Variants in GRID2 observed in about 807,000 individuals in gnomAD.
The protein encoded by GRID2 is glutamate ionotropic receptor delta type subunit 2, also known as glutamate receptor ionotropic, delta-2.
GRID2 carries 33 observed loss-of-function variants against 114.8 expected under a neutral mutation model. The observed-to-expected ratio is 0.29, with a 90% confidence interval of 0.22 to 0.38. The LOEUF (loss-of-function observed/expected upper bound fraction) is 0.38. Ranked by LOEUF, GRID2 falls within the 10% of genes least tolerant of loss-of-function variation. The pLI is 1.00. For synonymous variants in GRID2, 505 were observed against 449.9 expected (o/e 1.12, Z -1.55); for missense variants, 1,184 against 1,257.7 (o/e 0.94, Z 0.89).
chr4:92,324,408 A>T (rs1445025915), intron 1 of GRID2, among the ~76,000 whole-genome samples: 2 of 152,036 alleles, frequency 1.3e-5, no homozygotes, highest in Non-Finnish European at 2.9e-5. Context: ...CACTATGTAT[A>T]CATGTATTTG....
At chr4:93,605,727 A>G (rs991821315) in intron 13 of GRID2, among the ~76,000 whole-genome samples, 12 of 152,212 alleles carry the variant, frequency 7.9e-5, no homozygotes, top group Non-Finnish European at 1.8e-4. Context: ...TGATGATACT[A>G]GCATGAAAAG....
At chr4:92,996,886 C>T (rs903588047) in intron 2 of GRID2, among the ~76,000 whole-genome samples, 4 of 152,116 alleles carry the variant, frequency 2.6e-5, no homozygotes, top group Admixed American at 6.6e-5. Flanking sequence ...CTCTCACACT[C>T]TTACCAGATA....
intron 1 of GRID2, among the ~76,000 whole-genome samples, chr4:92,408,264 G>A (rs1731119521): frequency 6.6e-6 from 1 of 151,578 alleles, no homozygotes; most frequent in Non-Finnish European, 1.5e-5. Context: ...AGGTATGTGG[G>A]TTTATTTCTA....
At chr4:93,177,235 T>G (rs935384639) in intron 4 of GRID2, among the ~76,000 whole-genome samples, 1 of 150,256 alleles carries the variant, frequency 6.7e-6, no homozygotes, top group Admixed American at 6.6e-5. Flanking sequence ...TTGAAAAAAC[T>G]CTTTTTTTTT....
chr4:92,315,252 T>C (rs563440750), intron 1 of GRID2, among the ~76,000 whole-genome samples: 152 of 152,296 alleles, frequency 1.0e-3, no homozygotes, highest in Non-Finnish European at 1.8e-3. Flanking sequence ...CATTTCATCA[T>C]ATGGAAACAA....
At chr4:93,545,007 CT>C (rs770295396) in intron 13 of GRID2, among the ~76,000 whole-genome samples, 1 of 152,108 alleles carries the variant, frequency 6.6e-6, no homozygotes, top group East Asian at 1.9e-4. Flanking sequence ...TTTACACCCC[CT>C]AAGTGAATTA....
intron 1 of GRID2, among the ~76,000 whole-genome samples, chr4:93,799,304 C>G (rs543639581): frequency 9.4e-4 from 143 of 152,084 alleles, no homozygotes; most frequent in Non-Finnish European, 1.7e-3. Context: ...TACTATGTTC[C>G]TAGATTTGAG....
At chr4:92,827,419 AGGAG>A (rs1350034879) in intron 2 of GRID2, among the ~76,000 whole-genome samples, 1 of 149,758 alleles carries the variant, frequency 6.7e-6, no homozygotes, top group African/African-American at 2.4e-5. Context: ...AAAAAAAAAA[AGGAG>A]GGAGTCAATT....
At chr4:92,461,750 C>T (rs527888476) in intron 1 of GRID2, among the ~76,000 whole-genome samples, 4 of 151,852 alleles carry the variant, frequency 2.6e-5, no homozygotes, top group Non-Finnish European at 5.9e-5. Context: ...AGCCTGTGTG[C>T]TAATAATCAT....
chr4:92,935,092 T>A (rs1293723839), intron 2 of GRID2, among the ~76,000 whole-genome samples: 4 of 145,772 alleles, frequency 2.7e-5, no homozygotes, highest in South Asian at 2.3e-4. Context: ...AGCATCAGAG[T>A]GAACAGGCAA....
chr4:92,351,013 T>G (rs1728041811), intron 1 of GRID2, among the ~76,000 whole-genome samples: 1 of 151,918 alleles, frequency 6.6e-6, no homozygotes, highest in Non-Finnish European at 1.5e-5. Flanking sequence ...TACTTCATAC[T>G]TTTTTATGGC....
At chr4:92,745,891 A>T (rs916489404) in intron 2 of GRID2, among the ~76,000 whole-genome samples, 7 of 152,180 alleles carry the variant, frequency 4.6e-5, no homozygotes, top group Non-Finnish European at 1.0e-4. Flanking sequence ...TGATCAGCAT[A>T]TAAATTTGTG....
intron 4 of GRID2, among the ~76,000 whole-genome samples, chr4:93,169,055 A>T (rs1038724860): frequency 6.6e-6 from 1 of 151,954 alleles, no homozygotes; most frequent in African/African-American, 2.4e-5. Context: ...ACTATTTTTT[A>T]AAAAACAGTG....
At chr4:92,310,060 G>A (rs1490834204) in intron 1 of GRID2, among the ~76,000 whole-genome samples, 1 of 151,894 alleles carries the variant, frequency 6.6e-6, no homozygotes, top group Non-Finnish European at 1.5e-5. Context: ...TGAGTTTTAT[G>A]AATGACCATA....
At chr4:93,002,083 C>T (rs566270270) in intron 2 of GRID2, among the ~76,000 whole-genome samples, 14 of 150,816 alleles carry the variant, frequency 9.3e-5, no homozygotes, top group South Asian at 6.4e-4. Context: ...TTTTCATATA[C>T]GTGGTACAGC....
At chr4:93,358,892 T>C (rs1761602235) in intron 8 of GRID2, among the ~76,000 whole-genome samples, 1 of 152,162 alleles carries the variant, frequency 6.6e-6, no homozygotes, top group Non-Finnish European at 1.5e-5. Context: ...AGTCTGTTTT[T>C]ATTGGCTGTA....
intron 2 of GRID2, among the ~76,000 whole-genome samples, chr4:93,082,622 C>G (rs750676846): frequency 4.6e-5 from 7 of 152,132 alleles, no homozygotes; most frequent in Non-Finnish European, 8.8e-5. Flanking sequence ...AATTTCCCAT[C>G]CTTGGACTGC....
intron 13 of GRID2, among the ~76,000 whole-genome samples, chr4:93,579,958 C>T (rs1436842985): frequency 6.6e-6 from 1 of 152,142 alleles, no homozygotes; most frequent in Non-Finnish European, 1.5e-5. Flanking sequence ...ATCTCCAATG[C>T]TCTGATCTAT....
At chr4:93,696,634 G>A (rs1215736647) in intron 14 of GRID2, among the ~76,000 whole-genome samples, 1 of 152,170 alleles carries the variant, frequency 6.6e-6, no homozygotes, top group African/African-American at 2.4e-5. Context: ...TTGTTTTAAA[G>A]CATTAGCGAA....
Sources: allele counts gnomAD v4.1 joint callset (sites outside exome capture counted in the v4.1 genomes callset), GRCh38; gene constraint gnomAD v4.1.1; transcripts MANE v1.5; gene names NCBI Gene and HGNC (gene_info 2026-07-23, HGNC 2026-07-21).